The following SLC28A3 variants were observed in gnomAD, a reference collection of about 807,000 sequenced individuals.
The protein encoded by SLC28A3 is concentrative Na(+)-nucleoside cotransporter 3.
A neutral mutation model predicts 84.2 loss-of-function variants in SLC28A3; 68 were observed. The ratio of observed to expected loss-of-function variants is 0.81; its 90% CI spans 0.66 to 0.99. The LOEUF is 0.99. Among genes scored for constraint, SLC28A3 ranks in the 50% least tolerant of loss-of-function variants. SLC28A3 has a pLI of 0.00. For synonymous variants in SLC28A3, 267 were observed against 303.6 expected, an observed-to-expected ratio of 0.88 and a Z score of 1.25; for missense variants, 712 against 841.5, an observed-to-expected ratio of 0.85 and a Z score of 1.90.
Position 84,279,404 on chromosome 9 carries a change from C to A in SLC28A3, c.1829-19G>T. ...AGTATGCCTAGAAGTGGAACAGAGT[C>A]CCATTTATTTATTATTTTTTAGTTT... On this transcript the variant is annotated intron_variant, in intron 16 of 17. Coordinates refer to ENST00000376238, the MANE Select transcript of SLC28A3 (RefSeq NM_001199633.2). The A allele has an allele frequency of 6.9e-7, 1 of 1,455,246 alleles. No homozygotes were observed. Among genetic ancestry groups the A allele is most frequent in the South Asian group, 1.7e-5 (1 of 60,558 alleles). 90.1% of individuals were successfully genotyped at this position (1,455,246 alleles called of 1,614,324 possible).
intron 1 of SLC28A3, among the ~76,000 whole-genome samples, chr9:84,324,696 G>T (rs1334994526): frequency 1.3e-5 from 2 of 152,068 alleles, no homozygotes; most frequent in Non-Finnish European, 2.9e-5. Context: ...AAAGTAATGT[G>T]ATTGAAAGGC....
chr9:84,303,218 A>T (rs1328780629), intron 4 of SLC28A3, among the ~76,000 whole-genome samples: 1 of 152,072 alleles, frequency 6.6e-6, no homozygotes, highest in African/African-American at 2.4e-5. Flanking sequence ...CTTCCTAAGG[A>T]GTCAGCAGAA....
rs34204820 is a variant in SLC28A3, at chr9:84,307,132, C to CAAA, written c.243-1790_243-1788dup. Among the ~76,000 whole-genome samples, 144 of 119,624 alleles carry CAAA rather than the reference C, an allele frequency of 1.2e-3. 8 individuals are homozygous for CAAA. Among genetic ancestry groups the CAAA allele is most frequent in the East Asian group, 2.4e-3 (10 of 4,104 alleles). 78.5% of individuals were successfully genotyped at this position (119,624 alleles called of 152,430 possible). A position where few individuals can be genotyped will look rare whatever the true frequency, so the allele number is the denominator to read the frequency against. On this transcript the variant is annotated intron_variant, in intron 3 of 17. Coordinates refer to ENST00000376238, the MANE Select transcript of SLC28A3 (RefSeq NM_001199633.2). The stretch of plus-strand genomic sequence containing the variant: ...TTGTGTCACTGCACCCCGTCTCAAC[C>CAAA]AAAAAAAAAAAAAAAAGGCCAGGCG...
the SLC28A3 span, among the ~76,000 whole-genome samples, chr9:84,362,606 C>T: frequency 2.1e-3 from 314 of 151,428 alleles, no homozygotes; most frequent in African/African-American, 7.3e-3. Flanking sequence ...CCCTTATAGC[C>T]TGGGTGACAG....
chr9:84,318,705 C>A (rs558720353), intron 1 of SLC28A3, among the ~76,000 whole-genome samples: 4 of 151,378 alleles, frequency 2.6e-5, no homozygotes, highest in Non-Finnish European at 5.9e-5. Context: ...CCCATCTCTA[C>A]TAAAAATACA....
the SLC28A3 span, among the ~76,000 whole-genome samples, chr9:84,354,828 T>G: frequency 1.4e-5 from 2 of 142,866 alleles, no homozygotes; most frequent in East Asian, 4.2e-4. Flanking sequence ...GCCTGGGCAA[T>G]AGAGTGAAAC....
chr9:84,280,318 A>G (rs1824696820), intron 15 of SLC28A3, among the ~76,000 whole-genome samples: 1 of 152,194 alleles, frequency 6.6e-6, no homozygotes, highest in South Asian at 2.1e-4. Flanking sequence ...TTCTCCACAG[A>G]AGAAAAACCT....
At chr9:84,362,771 C>T in the SLC28A3 span, among the ~76,000 whole-genome samples, 1 of 151,880 alleles carries the variant, frequency 6.6e-6, no homozygotes, top group Non-Finnish European at 1.5e-5. Flanking sequence ...AGCCTACAGC[C>T]CTCTTCTCAG....
intron 4 of SLC28A3, among the ~76,000 whole-genome samples, chr9:84,304,000 G>A (rs989028844): frequency 1.3e-5 from 2 of 152,074 alleles, no homozygotes; most frequent in South Asian, 2.1e-4. Flanking sequence ...TGGAGACTAC[G>A]CTTCCCAGCT....
chr9:84,308,608 C>T (rs1441920515), intron 3 of SLC28A3, among the ~76,000 whole-genome samples: 4 of 152,020 alleles, frequency 2.6e-5, no homozygotes, highest in Non-Finnish European at 4.4e-5. Flanking sequence ...CCAGCCTATG[C>T]AACAGAGTAA....
rs142201339 is a variant in SLC28A3, at chr9:84,337,170, C to T, written c.60+3404G>A. The stretch of plus-strand genomic sequence containing the variant: ...ATACAATGCACTTGGTGCAAACCTC[C>T]GCCATTTTCCTTAACATCAATTATA... On this transcript the variant is annotated intron_variant, in intron 1 of 17. Transcript: ENST00000376238. Among the ~76,000 whole-genome samples, 87 of 152,232 alleles carry T rather than the reference C, an allele frequency of 5.7e-4. 1 individual carries two copies. In the East Asian group the frequency reaches 0.014, roughly 24 times the overall value.
chr9:84,287,489 C>T (rs1440947150), intron 12 of SLC28A3, among the ~76,000 whole-genome samples: 2 of 152,042 alleles, frequency 1.3e-5, no homozygotes, highest in Non-Finnish European at 2.9e-5. Flanking sequence ...AACCAAGGCT[C>T]CATAAACACT....
intron 2 of SLC28A3, among the ~76,000 whole-genome samples, chr9:84,310,151 G>A (rs1017755717): frequency 6.6e-6 from 1 of 152,174 alleles, no homozygotes; most frequent in Non-Finnish European, 1.5e-5. Flanking sequence ...TTCCCCGGCA[G>A]CCCAAGGCTT....
At chr9:84,348,777 T>G in the SLC28A3 span, among the ~76,000 whole-genome samples, 22,957 of 152,224 alleles carry the variant, frequency 0.15, 1,847 homozygotes, top group South Asian at 0.24. Flanking sequence ...GAGTTTCTCC[T>G]GAATTTCTGT....
In SLC28A3 at chr9:84,276,473, C is replaced by T. The variant is rs1011714351; in HGVS notation, c.*1745G>A. ...TCCAGAGTAGGAAAAAGAGAACCCCCAAACCAAAACCTGTAAACAAAGTAA... is the reference window on the plus strand; with the variant it reads ...TCCAGAGTAGGAAAAAGAGAACCCCTAAACCAAAACCTGTAAACAAAGTAA... On this transcript the variant is annotated 3_prime_UTR_variant, in exon 18 of 18. Coordinates refer to ENST00000376238, the MANE Select transcript of SLC28A3 (RefSeq NM_001199633.2). 1 of 151,884 alleles carries T rather than the reference C, an allele frequency of 6.6e-6. No individual in the cohort carries two copies. The highest frequency in any genetic ancestry group is 1.5e-5 in the Non-Finnish European group (1 of 68,012). 9.4% of individuals were successfully genotyped at this position (151,884 alleles called of 1,614,324 possible). A position where few individuals can be genotyped will look rare whatever the true frequency, so the allele number is the denominator to read the frequency against.
At chr9:84,305,129 G>T (rs926166392) in intron 4 of SLC28A3, 125 bp downstream of exon 4, 3 of 788,040 alleles carry the variant, frequency 3.8e-6, no homozygotes, top group Non-Finnish European at 6.0e-6. Flanking sequence ...CACCCCCGAT[G>T]ATTCAGTGAG....
the SLC28A3 span, among the ~76,000 whole-genome samples, chr9:84,348,552 G>A: frequency 6.6e-6 from 1 of 152,164 alleles, no homozygotes; most frequent in African/African-American, 2.4e-5. Context: ...GCCACAAGGA[G>A]AGTGTCTAGC....
At chr9:84,283,309 A>G (rs1478814585) in intron 14 of SLC28A3, among the ~76,000 whole-genome samples, 1 of 152,296 alleles carries the variant, frequency 6.6e-6, no homozygotes, top group Non-Finnish European at 1.5e-5. Flanking sequence ...GTGTCTGCAC[A>G]GGCAAAGATG....
chr9:84,304,141 C>A (rs1564159574), intron 4 of SLC28A3, among the ~76,000 whole-genome samples: 1 of 152,254 alleles, frequency 6.6e-6, no homozygotes, highest in African/African-American at 2.4e-5. Context: ...TGGAATACAG[C>A]CATGTCTGTC....
Sources: allele counts gnomAD v4.1 joint callset (sites outside exome capture counted in the v4.1 genomes callset), GRCh38; gene constraint gnomAD v4.1.1; transcripts MANE v1.5; gene names NCBI Gene and HGNC (gene_info 2026-07-23, HGNC 2026-07-21).